The following MCPH1 variants were observed in gnomAD, a reference collection of about 807,000 sequenced individuals.
MCPH1 encodes microcephalin 1, also known as microcephalin.
A neutral mutation model predicts 84.5 loss-of-function variants in MCPH1; 104 were observed. The ratio of observed to expected loss-of-function variants is 1.23; its 90% CI spans 1.05 to 1.45. MCPH1 has a LOEUF of 1.45. Among genes scored for constraint, MCPH1 ranks in the 40% most tolerant of loss-of-function variants. MCPH1 has a pLI of 0.00. For missense variants in MCPH1, 1,498 were observed against 1,005.7 expected (o/e 1.49, Z -6.62); for synonymous variants, 514 against 366.8 (o/e 1.40, Z -4.58).
chr8:6,453,385 A>C lies in MCPH1; in HGVS notation c.1826-1758A>C, dbSNP rs545551628. On this transcript the variant is annotated intron_variant, in intron 8 of 13. Transcript: ENST00000344683. Reference sequence around the variant, plus strand: ...TTTGTGAAATTGTGAAAACATGTTAACAATATCAGTCTTTTTTTTTTTTAA... The same window carrying C: ...TTTGTGAAATTGTGAAAACATGTTACCAATATCAGTCTTTTTTTTTTTTAA... 3.0e-5 allele frequency among the ~76,000 whole-genome samples: 4 copies of C among 132,566 alleles called. No individual in the cohort carries two copies. The South Asian group carries it at 1.1e-3, about 37-fold the overall frequency. The allele number at this position is 132,566 out of a possible 152,430, so 87.0% of individuals were successfully genotyped here.
chr8:6,415,619 G>T (rs1039308961), intron 3 of MCPH1, among the ~76,000 whole-genome samples: 1 of 152,156 alleles, frequency 6.6e-6, no homozygotes, highest in Non-Finnish European at 1.5e-5. Flanking sequence ...CTCCCAAAGT[G>T]CTAGGATTAC....
chr8:6,455,112 C>T (rs1490235074), intron 8 of MCPH1, 31 bp from the exon 9 acceptor site: 1 of 1,547,526 alleles, frequency 6.5e-7, no homozygotes, highest in Non-Finnish European at 8.9e-7. Context: ...ATGTAAAGTT[C>T]TAACTAATTT....
intron 6 of MCPH1, among the ~76,000 whole-genome samples, chr8:6,441,449 AT>A (rs1382288038): frequency 6.6e-6 from 1 of 152,232 alleles, no homozygotes; most frequent in Non-Finnish European, 1.5e-5. Flanking sequence ...TCTCTAAAAA[AT>A]ATCTTTGGAT....
intron 1 of MCPH1, among the ~76,000 whole-genome samples, chr8:6,407,772 T>G (rs1797950597): frequency 6.6e-6 from 1 of 152,174 alleles, no homozygotes; most frequent in East Asian, 1.9e-4. Flanking sequence ...GAAGAGGATA[T>G]CCACTAGAAC....
At chr8:6,428,967 C>G (rs1168888275) in intron 3 of MCPH1, among the ~76,000 whole-genome samples, 1 of 152,190 alleles carries the variant, frequency 6.6e-6, no homozygotes, top group African/African-American at 2.4e-5. Flanking sequence ...CAGGTATTAT[C>G]TAGTGACTTT....
intron 3 of MCPH1, 34 bp from the exon 4 acceptor site, chr8:6,431,465 A>T: frequency 1.3e-6 from 2 of 1,517,040 alleles, no homozygotes; most frequent in South Asian, 2.3e-5. Flanking sequence ...ATAGAAGCAA[A>T]TACTCATTAG....
intron 13 of MCPH1, chr8:6,626,219 G>C: frequency 1.0e-6 from 1 of 985,402 alleles, no homozygotes; most frequent in Non-Finnish European, 1.2e-6. Flanking sequence ...GCATAGAACA[G>C]GGAGTGGAGG....
intron 3 of MCPH1, 31 bp from the exon 4 acceptor site, chr8:6,431,468 C>G (rs1358447062): frequency 1.3e-6 from 2 of 1,530,082 alleles, no homozygotes; most frequent in South Asian, 1.1e-5. Context: ...GAAGCAAATA[C>G]TCATTAGACT....
chr8:6,587,957 AGCTCAG>A lies in MCPH1; in HGVS notation c.2215-33492_2215-33487del, dbSNP rs1828125770. Reference sequence around the variant, plus strand: ...GCAGATTCCAATGCAGAGTCCTTAGAGCTCAGGCTCCCCTCAACCTGACGCATCTCT... The same window carrying A: ...GCAGATTCCAATGCAGAGTCCTTAGAGCTCCCCTCAACCTGACGCATCTCT... On this transcript the variant is annotated intron_variant, in intron 12 of 13. Coordinates refer to ENST00000344683, the MANE Select transcript of MCPH1 (RefSeq NM_024596.5). Among the ~76,000 whole-genome samples the A allele has an allele frequency of 2.0e-5, 3 of 152,322 alleles. No homozygotes were observed. In the South Asian group the frequency reaches 6.2e-4, roughly 32 times the overall value.
At chr8:6,629,150 T>C (rs1737031775) in intron 13 of MCPH1, among the ~76,000 whole-genome samples, 1 of 152,242 alleles carries the variant, frequency 6.6e-6, no homozygotes, top group Non-Finnish European at 1.5e-5. Flanking sequence ...CCTAATCCAA[T>C]ATGACTGGTG....
intron 12 of MCPH1, chr8:6,508,956 T>G: frequency 6.2e-7 from 1 of 1,614,176 alleles, no homozygotes; most frequent in Non-Finnish European, 8.5e-7. Context: ...TGTGAACATT[T>G]GCAAATACAT....
intron 10 of MCPH1, among the ~76,000 whole-genome samples, chr8:6,478,308 A>G (rs764868264): frequency 2.6e-5 from 4 of 152,170 alleles, no homozygotes; most frequent in Non-Finnish European, 5.9e-5. Context: ...AAAAGCACTG[A>G]TCATCAAACA....
chr8:6,414,737 C>T, intron 2 of MCPH1, 28 bp from the exon 3 acceptor site: 3 of 1,611,176 alleles, frequency 1.9e-6, no homozygotes, highest in East Asian at 4.5e-5. Context: ...CAGTAATGTA[C>T]ATTTTGTTTT....
chr8:6,494,032 C>T (rs962657659), intron 11 of MCPH1: 3 of 152,152 alleles, frequency 2.0e-5, no homozygotes, highest in African/African-American at 7.2e-5. Context: ...CATCTGTCTC[C>T]CAGGCTCAAG....
chr8:6,473,198 T>C (rs1240408540), intron 9 of MCPH1, among the ~76,000 whole-genome samples: 1 of 152,180 alleles, frequency 6.6e-6, no homozygotes, highest in African/African-American at 2.4e-5. Context: ...GTTTAGTCTT[T>C]AGTTTTAAGA....
chr8:6,472,621 C>T (rs951717600), intron 9 of MCPH1, among the ~76,000 whole-genome samples: 7 of 152,088 alleles, frequency 4.6e-5, no homozygotes, highest in African/African-American at 1.7e-4. Context: ...TGCCTGCCAC[C>T]ATGCCTGGCT....
chr8:6,503,596 G>A (rs1812636599), intron 12 of MCPH1, among the ~76,000 whole-genome samples: 1 of 152,210 alleles, frequency 6.6e-6, no homozygotes, highest in African/African-American at 2.4e-5. Flanking sequence ...CTGAGGCACA[G>A]TTGGAAAACT....
intron 9 of MCPH1, among the ~76,000 whole-genome samples, chr8:6,470,354 G>T (rs192150620): frequency 2.0e-5 from 3 of 151,958 alleles, no homozygotes; most frequent in Non-Finnish European, 4.4e-5. Context: ...CGCGATCTCC[G>T]CTCACTGCAA....
chr8:6,438,249 A>G (rs1020069122), intron 5 of MCPH1, among the ~76,000 whole-genome samples: 3 of 152,240 alleles, frequency 2.0e-5, no homozygotes, highest in African/African-American at 7.2e-5. Flanking sequence ...ATTAAAAACT[A>G]TATGTATAAA....
Sources: gnomAD v4.1 joint callset for allele counts (sites outside exome capture counted in the v4.1 genomes callset) on GRCh38, gnomAD v4.1.1 for gene constraint, MANE v1.5 for transcripts, NCBI Gene and HGNC (gene_info 2026-07-23, HGNC 2026-07-21) for gene names.